Variants in CNTNAP2 observed in about 807,000 individuals in gnomAD.
CNTNAP2 encodes the protein contactin associated protein 2.
Under a neutral mutation model 155.2 loss-of-function variants are expected in CNTNAP2, and 98 were observed. That is an observed-to-expected ratio of 0.63 (90% CI 0.54 to 0.75). CNTNAP2 has a LOEUF of 0.75. Ranked by LOEUF, CNTNAP2 falls within the 30% of genes least tolerant of loss-of-function variation. The pLI, the probability that CNTNAP2 is intolerant of heterozygous loss-of-function variation, is 0.00. For synonymous variants in CNTNAP2, 651 were observed against 631.2 expected (o/e 1.03, Z -0.47); for missense variants, 1,727 against 1,688.1 (o/e 1.02, Z -0.40).
intron 12 of CNTNAP2, among the ~76,000 whole-genome samples, chr7:147,613,069 C>CGAAG (rs1381306003): frequency 6.6e-6 from 1 of 152,092 alleles, no homozygotes; most frequent in Non-Finnish European, 1.5e-5. Flanking sequence ...TTCTCATCTT[C>CGAAG]ATATTTACTT....
chr7:147,990,672 A>AT (rs35290706), intron 15 of CNTNAP2, among the ~76,000 whole-genome samples: 2 of 151,882 alleles, frequency 1.3e-5, no homozygotes, highest in Non-Finnish European at 2.9e-5. Flanking sequence ...GACTTAGGCG[A>AT]TTTTTTTATC....
At chr7:146,365,486 A>G (rs1394167030) in intron 1 of CNTNAP2, among the ~76,000 whole-genome samples, 1 of 152,230 alleles carries the variant, frequency 6.6e-6, no homozygotes, top group Non-Finnish European at 1.5e-5. Flanking sequence ...AGAAGCATAA[A>G]GGACAGATAC....
Position 147,861,999 on chromosome 7 carries a change from C to CAAAAAAAA in CNTNAP2, c.2099-41549_2099-41542dup, listed in dbSNP as rs57139075. On this transcript the variant is annotated intron_variant, in intron 13 of 23. Coordinates refer to ENST00000361727, the MANE Select transcript of CNTNAP2 (RefSeq NM_014141.6). ...GGCAATAGAGTGAAACTCCATCTCA[C>CAAAAAAAA]AAAAAAAAAAAAAAAAAAAAAAAAT... Among the ~76,000 whole-genome samples the CAAAAAAAA allele has an allele frequency of 2.1e-3, 203 of 94,916 alleles. 4 individuals carry two copies. Among genetic ancestry groups the CAAAAAAAA allele is most frequent in the Middle Eastern group, 6.9e-3 (1 of 144 alleles). The allele number at this position is 94,916 out of a possible 152,430, so 62.3% of individuals were successfully genotyped here.
rs1190542431 is a variant in CNTNAP2 at position 146,480,613 on chromosome 7, C to T, written c.98-293658C>T. Among the ~76,000 whole-genome samples the T allele has an allele frequency of 2.7e-5, 4 of 150,464 alleles. No homozygotes were observed. In the East Asian group the frequency reaches 5.8e-4, roughly 22 times the overall value. On this transcript the variant is annotated intron_variant, in intron 1 of 23. Coordinates refer to ENST00000361727, the MANE Select transcript of CNTNAP2 (RefSeq NM_014141.6). The stretch of plus-strand genomic sequence containing the variant: ...TCAATTACACAAATACTATTGGTTT[C>T]ACAGTTTGTGAGTGTGTGTAATTTT...
intron 1 of CNTNAP2, among the ~76,000 whole-genome samples, chr7:146,738,750 A>G (rs768293711): frequency 2.0e-5 from 3 of 151,686 alleles, no homozygotes; most frequent in African/African-American, 4.8e-5. Context: ...AATTTTCCAA[A>G]CAGCTATCAG....
At chr7:146,472,465 C>A (rs953834433) in intron 1 of CNTNAP2, among the ~76,000 whole-genome samples, 1 of 152,132 alleles carries the variant, frequency 6.6e-6, no homozygotes, top group Admixed American at 6.5e-5. Context: ...ACTCGGATAA[C>A]CACTAGGACC....
chr7:147,427,271 G>A (rs1797393518), intron 10 of CNTNAP2, among the ~76,000 whole-genome samples: 1 of 152,084 alleles, frequency 6.6e-6, no homozygotes, highest in African/African-American at 2.4e-5. Context: ...TAATACAGTT[G>A]CATTGGGGAT....
At chr7:147,619,024 A>G (rs1009932624) in intron 12 of CNTNAP2, among the ~76,000 whole-genome samples, 1 of 152,230 alleles carries the variant, frequency 6.6e-6, no homozygotes, top group Non-Finnish European at 1.5e-5. Flanking sequence ...TGTTCCATAC[A>G]TGCCCAGTGT....
chr7:148,213,900 C>G (rs565234043), intron 18 of CNTNAP2, among the ~76,000 whole-genome samples: 2 of 152,238 alleles, frequency 1.3e-5, no homozygotes, highest in Admixed American at 6.5e-5. Flanking sequence ...GTGGGAGCCT[C>G]GGGGGTCTCA....
intron 1 of CNTNAP2, among the ~76,000 whole-genome samples, chr7:146,459,289 CAT>C (rs1481683730): frequency 6.6e-6 from 1 of 151,132 alleles, no homozygotes; most frequent in Admixed American, 6.6e-5. Context: ...TGTGTAGGTC[CAT>C]GCGTGTGCAT....
rs1424168023 is a variant in CNTNAP2, at chr7:147,002,825, T to C, written c.403-41082T>C. On this transcript the variant is annotated intron_variant, in intron 3 of 23. Coordinates refer to ENST00000361727, the MANE Select transcript of CNTNAP2 (RefSeq NM_014141.6). The stretch of plus-strand genomic sequence containing the variant: ...ATCCTAATCATGAGGGCACTTACCT[T>C]AGAACCTTAACAGCTCATAAACTCC... Among the ~76,000 whole-genome samples the C allele has an allele frequency of 2.6e-5, 4 of 150,994 alleles. No individual in the cohort carries two copies. The Admixed American group carries it at 2.7e-4, about 10-fold the overall frequency.
At chr7:147,286,384 A>G (rs541164182) in intron 8 of CNTNAP2, among the ~76,000 whole-genome samples, 1 of 152,220 alleles carries the variant, frequency 6.6e-6, no homozygotes, top group African/African-American at 2.4e-5. Flanking sequence ...GAACAGAACA[A>G]AACAGTGACT....
At chr7:146,498,571 C>A (rs1435272229) in intron 1 of CNTNAP2, among the ~76,000 whole-genome samples, 1 of 152,014 alleles carries the variant, frequency 6.6e-6, no homozygotes, top group Non-Finnish European at 1.5e-5. Flanking sequence ...ATTTTCAATT[C>A]CGTTTACAAT....
chr7:147,421,386 A>G (rs962646749), intron 10 of CNTNAP2, among the ~76,000 whole-genome samples: 1 of 152,188 alleles, frequency 6.6e-6, no homozygotes, highest in Non-Finnish European at 1.5e-5. Flanking sequence ...CTTTCCATGT[A>G]GAAATGTTAC....
intron 3 of CNTNAP2, among the ~76,000 whole-genome samples, chr7:146,968,479 A>G (rs1797708297): frequency 2.6e-5 from 4 of 152,016 alleles, no homozygotes; most frequent in Admixed American, 2.6e-4. Context: ...TTATTGCCAC[A>G]ATTTCAGAGC....
chr7:147,029,534 C>T (rs1584792961), intron 3 of CNTNAP2, among the ~76,000 whole-genome samples: 1 of 138,188 alleles, frequency 7.2e-6, no homozygotes, highest in Admixed American at 7.1e-5. Context: ...AATGGAGAAA[C>T]ATAATGTAAA....
chr7:147,225,092 C>A (rs1803491516), intron 8 of CNTNAP2, among the ~76,000 whole-genome samples: 1 of 152,150 alleles, frequency 6.6e-6, no homozygotes, highest in South Asian at 2.1e-4. Flanking sequence ...CATCCCAAAT[C>A]ATGAACCCTC....
In CNTNAP2 at chr7:147,562,831, T is replaced by C. The variant is rs529647042; in HGVS notation, c.1897+574T>C. ...GGGTTCTTGTCAACTTCCACAACAA[T>C]GTGTAAAATGTGCAGATCTCTAAGA... On this transcript the variant is annotated intron_variant, in intron 12 of 23. Coordinates refer to ENST00000361727, the MANE Select transcript of CNTNAP2 (RefSeq NM_014141.6). Among the ~76,000 whole-genome samples, 15 of 152,310 alleles carry C rather than the reference T, an allele frequency of 9.8e-5. No individual in the cohort carries two copies. In the East Asian group the frequency reaches 2.9e-3, roughly 29 times the overall value.
In CNTNAP2 at chr7:147,977,963, T is replaced by A; in HGVS notation, c.2357T>A (p.Val786Glu). 6.2e-7 allele frequency: 1 copy of A among 1,614,114 alleles called. No homozygotes were observed. The highest frequency in any genetic ancestry group is 8.5e-7 in the Non-Finnish European group (1 of 1,180,014). The change falls in exon 15 of 24, where the codon GTA becomes GAA. Residue 786 changes from valine to glutamate, a missense_variant. Coordinates refer to ENST00000361727, the MANE Select transcript of CNTNAP2 (RefSeq NM_014141.6). ...DRQGSEAKLS[V>E]GPLRCQGDRN... Reference sequence around the variant, plus strand: ...CAAGGCTCAGAAGCCAAATTGAGCGTAGGTCCTCTGCGCTGCCAAGGAGAC... The same window carrying A: ...CAAGGCTCAGAAGCCAAATTGAGCGAAGGTCCTCTGCGCTGCCAAGGAGAC...
Sources: allele counts gnomAD v4.1 joint callset (sites outside exome capture counted in the v4.1 genomes callset), GRCh38; gene constraint gnomAD v4.1.1; transcripts MANE v1.5; gene names NCBI Gene and HGNC (gene_info 2026-07-23, HGNC 2026-07-21).